The following TCEA1 variants were observed in gnomAD, a reference collection of about 807,000 sequenced individuals.
TCEA1 encodes the protein transcription elongation factor A1, also known as transcription elongation factor A protein 1.
TCEA1 carries 21 observed loss-of-function variants against 43.8 expected under a neutral mutation model. That is an observed-to-expected ratio of 0.48 (90% CI 0.34 to 0.69). TCEA1 has a LOEUF of 0.69. TCEA1 is among the 30% of genes least tolerant of loss of function. TCEA1 has a pLI of 0.01. For missense variants in TCEA1, 250 were observed against 365.1 expected (o/e 0.68, Z 2.57); for synonymous variants, 104 against 117.5 (o/e 0.88, Z 0.75).
At chr8:53,977,626 T>C (rs1803372380) in intron 8 of TCEA1, among the ~76,000 whole-genome samples, 2 of 152,110 alleles carry the variant, frequency 1.3e-5, no homozygotes, top group East Asian at 1.9e-4. Flanking sequence ...CATAGTAAGT[T>C]GTCCCTTAAG....
At chr8:53,985,761 A>C (rs1487748352) in intron 6 of TCEA1, among the ~76,000 whole-genome samples, 1 of 152,152 alleles carries the variant, frequency 6.6e-6, no homozygotes, top group Non-Finnish European at 1.5e-5. Flanking sequence ...GGTGCTTAGC[A>C]AGAACACGCT....
chr8:54,012,962 CAAAA>C (rs72062714), intron 1 of TCEA1, among the ~76,000 whole-genome samples: 7 of 76,964 alleles, frequency 9.1e-5, no homozygotes, highest in South Asian at 4.3e-4. Context: ...ACGACGACGA[CAAAA>C]AAAAAAAAAA....
chr8:54,010,561 T>G, intron 1 of TCEA1, 69 bp from the exon 2 acceptor site: 1 of 1,281,990 alleles, frequency 7.8e-7, no homozygotes, highest in Non-Finnish European at 1.1e-6. Context: ...GAAATAAGGT[T>G]CATGGGAGAA....
At chr8:54,010,360 G>C in intron 2 of TCEA1, 70 bp downstream of exon 2, 2 of 1,135,176 alleles carry the variant, frequency 1.8e-6, no homozygotes, top group Non-Finnish European at 2.6e-6. Context: ...AAACATATTG[G>C]TACTGAAGAT....
At chr8:54,012,536 G>A (rs538977064) in intron 1 of TCEA1, among the ~76,000 whole-genome samples, 1 of 152,290 alleles carries the variant, frequency 6.6e-6, no homozygotes, top group East Asian at 1.9e-4. Context: ...TCCAGCCTGG[G>A]CGACAGAGCG....
At chr8:53,985,507 A>G (rs895672912) in intron 6 of TCEA1, among the ~76,000 whole-genome samples, 2 of 152,266 alleles carry the variant, frequency 1.3e-5, no homozygotes, top group South Asian at 4.1e-4. Flanking sequence ...CAGTTCCCAC[A>G]GGGTCTCTGA....
At chr8:54,013,305 G>C (rs946492963) in intron 1 of TCEA1, among the ~76,000 whole-genome samples, 1 of 152,148 alleles carries the variant, frequency 6.6e-6, no homozygotes, top group Non-Finnish European at 1.5e-5. Flanking sequence ...ATAAAACTAT[G>C]ACCTTTCTGA....
chr8:53,971,761 T>C (rs937062204), intron 8 of TCEA1: 4 of 228,246 alleles, frequency 1.8e-5, no homozygotes, highest in Non-Finnish European at 8.2e-6. Flanking sequence ...CAAAAGAAAA[T>C]ACAGAAGAAA....
At chr8:53,995,148 A>G (rs1356421386) in intron 3 of TCEA1, among the ~76,000 whole-genome samples, 1 of 151,980 alleles carries the variant, frequency 6.6e-6, no homozygotes, top group Non-Finnish European at 1.5e-5. Flanking sequence ...TAAAAATACA[A>G]AAATTAGCTG....
intron 2 of TCEA1, among the ~76,000 whole-genome samples, chr8:54,005,496 C>A (rs1248656923): frequency 1.3e-5 from 2 of 151,990 alleles, no homozygotes; most frequent in South Asian, 2.1e-4. Flanking sequence ...ATCTCTTCAC[C>A]CCTCCATTTT....
At chr8:54,002,836 G>A (rs1804314764) in intron 2 of TCEA1, 1 of 452,814 alleles carries the variant, frequency 2.2e-6, no homozygotes, top group African/African-American at 2.0e-5. Flanking sequence ...GATAAAATAT[G>A]TGCCTTTGCC....
intron 4 of TCEA1, among the ~76,000 whole-genome samples, chr8:53,990,154 C>T (rs1419225919): frequency 6.6e-6 from 1 of 151,296 alleles, no homozygotes; most frequent in African/African-American, 2.4e-5. Context: ...GCCTTGACTA[C>T]GCCACTGCAC....
At chr8:54,021,895 C>A in intron 1 of TCEA1, 168 bp downstream of exon 1, 1 of 506,598 alleles carries the variant, frequency 2.0e-6, no homozygotes, top group African/African-American at 2.0e-5. Flanking sequence ...GCCGCGGGAC[C>A]CGACGCCCCG....
intron 1 of TCEA1, among the ~76,000 whole-genome samples, chr8:54,013,195 A>T (rs1243654636): frequency 6.6e-6 from 1 of 152,208 alleles, no homozygotes; most frequent in Non-Finnish European, 1.5e-5. Context: ...TTTTCCAAGT[A>T]GAGGCAATAT....
At chr8:54,007,125 A>C (rs182520579) in intron 2 of TCEA1, among the ~76,000 whole-genome samples, 2 of 152,280 alleles carry the variant, frequency 1.3e-5, no homozygotes, top group Admixed American at 1.3e-4. Context: ...TACAGGCATG[A>C]GCCACCTGGT....
chr8:53,978,136 T>C (rs1177115724), intron 8 of TCEA1, among the ~76,000 whole-genome samples: 1 of 152,206 alleles, frequency 6.6e-6, no homozygotes, highest in African/African-American at 2.4e-5. Context: ...CAGAGGCTCA[T>C]GCCTGTATTC....
intron 1 of TCEA1, among the ~76,000 whole-genome samples, chr8:54,016,552 A>C (rs1804832648): frequency 6.6e-6 from 1 of 152,002 alleles, no homozygotes; most frequent in Non-Finnish European, 1.5e-5. Flanking sequence ...GAATAAGCAA[A>C]TCGTGGTTGG....
intron 2 of TCEA1, among the ~76,000 whole-genome samples, chr8:54,001,834 G>A (rs1434072644): frequency 6.6e-6 from 1 of 152,002 alleles, no homozygotes; most frequent in Non-Finnish European, 1.5e-5. Flanking sequence ...ATCTATGGAA[G>A]AGATTGTCAA....
chr8:53,997,368 A>G (rs1223490904), intron 3 of TCEA1, among the ~76,000 whole-genome samples: 4 of 152,218 alleles, frequency 2.6e-5, no homozygotes, highest in Non-Finnish European at 5.9e-5. Flanking sequence ...AAGGTGTAAG[A>G]CAGTTTCAGG....
Sources: gnomAD v4.1 joint callset for allele counts (sites outside exome capture counted in the v4.1 genomes callset) on GRCh38, gnomAD v4.1.1 for gene constraint, MANE v1.5 for transcripts, NCBI Gene and HGNC (gene_info 2026-07-23, HGNC 2026-07-21) for gene names.